DIAPH2: variants seen among roughly 807,000 people sequenced by gnomAD.
DIAPH2 encodes diaphanous related formin 2, also known as protein diaphanous homolog 2.
DIAPH2 carries 35 observed loss-of-function variants against 92.7 expected under a neutral mutation model. The ratio of observed to expected loss-of-function variants is 0.38; its 90% CI spans 0.29 to 0.50. DIAPH2 has a LOEUF of 0.50. Ranked by LOEUF, DIAPH2 falls within the 20% of genes least tolerant of loss-of-function variation. The pLI, the probability that DIAPH2 is intolerant of heterozygous loss-of-function variation, is 0.94. For missense variants in DIAPH2, 701 were observed against 819.5 expected (o/e 0.86, Z 1.77); for synonymous variants, 301 against 280.4 (o/e 1.07, Z -0.73).
chrX:97,411,256 C>A (rs1335630945), intron 25 of DIAPH2, among the ~76,000 whole-genome samples: 1 of 112,030 alleles, frequency 8.9e-6, no homozygotes, highest in Non-Finnish European at 1.9e-5. Context: ...ATTCAACATT[C>A]TTAAAGAAAA....
intron 17 of DIAPH2, among the ~76,000 whole-genome samples, chrX:97,019,987 C>A (rs1443362643): frequency 8.9e-6 from 1 of 112,190 alleles, no homozygotes; most frequent in Non-Finnish European, 1.9e-5. Flanking sequence ...TCTACCTGCA[C>A]CCTAAAGCTA....
chrX:96,948,712 T>C (rs2065753804), intron 14 of DIAPH2, among the ~76,000 whole-genome samples: 1 of 111,739 alleles, frequency 8.9e-6, no homozygotes, highest in South Asian at 3.8e-4. Context: ...TTTTCAGAAG[T>C]GAAAATGTGT....
chrX:96,766,370 G>A (rs2064304117), intron 4 of DIAPH2, among the ~76,000 whole-genome samples: 1 of 110,987 alleles, frequency 9.0e-6, no homozygotes, highest in Non-Finnish European at 1.9e-5. Flanking sequence ...TGCTATAAAG[G>A]GAAGAAACTA....
intron 4 of DIAPH2, among the ~76,000 whole-genome samples, chrX:96,801,033 T>A (rs766806835): frequency 8.9e-6 from 1 of 112,452 alleles, no homozygotes; most frequent in South Asian, 3.7e-4. Context: ...TTCTGAGTTT[T>A]GAACATCACA....
intron 25 of DIAPH2, among the ~76,000 whole-genome samples, chrX:97,413,881 C>T (rs994066198): frequency 3.6e-5 from 4 of 111,400 alleles, no homozygotes. Flanking sequence ...CTACAAACCA[C>T]CACTCAACGA....
chrX:97,201,880 T>C (rs1406395728), intron 22 of DIAPH2, among the ~76,000 whole-genome samples: 2 of 110,591 alleles, frequency 1.8e-5, no homozygotes, highest in Non-Finnish European at 3.8e-5. Context: ...TTCTCCAAGG[T>C]TGAAATGAAA....
At chrX:96,949,139 T>A in intron 15 of DIAPH2, 100 bp downstream of exon 15, 1 of 453,248 alleles carries the variant, frequency 2.2e-6, no homozygotes, top group Admixed American at 4.8e-5. Context: ...AGAAGCAGAC[T>A]TTTTGGCAGT....
chrX:97,190,889 GCCAGT>G, intron 22 of DIAPH2, among the ~76,000 whole-genome samples: 1 of 107,391 alleles, frequency 9.3e-6, no homozygotes, highest in Admixed American at 1.0e-4. Context: ...GTGAATCACT[GCCAGT>G]CCTTCCCCCA....
intron 26 of DIAPH2, among the ~76,000 whole-genome samples, chrX:97,595,936 A>T (rs964716604): frequency 8.9e-6 from 1 of 112,165 alleles, no homozygotes; most frequent in Non-Finnish European, 1.9e-5. Flanking sequence ...CTGACCCAGG[A>T]TGCACATTTT....
chrX:96,942,031 A>G lies in DIAPH2; in HGVS notation c.1339A>G (p.Lys447Glu). ...TCTCCTTTTCAGGCCACAATATTAT[A>G]AAATAATTGAGGAATGTGTTTCACA... ...NDYYIRPQYY[K>E]IIEECVSQIV... The change falls in exon 13 of 27, where the codon AAA (lysine) becomes GAA (glutamate). Residue 447 changes from lysine to glutamate, a missense_variant. Transcript: ENST00000324765. 1 of 1,158,192 alleles carries G rather than the reference A, an allele frequency of 8.6e-7. No homozygotes were observed. The highest frequency in any genetic ancestry group is 1.2e-6 in the Non-Finnish European group (1 of 848,822).
chrX:96,757,877 A>C (rs1382383622), intron 3 of DIAPH2, among the ~76,000 whole-genome samples: 1 of 111,941 alleles, frequency 8.9e-6, no homozygotes, highest in Admixed American at 9.5e-5. Flanking sequence ...ATAAACTGCC[A>C]ATTTATTCTG....
intron 17 of DIAPH2, among the ~76,000 whole-genome samples, chrX:97,049,515 CT>C (rs2066506157): frequency 9.0e-6 from 1 of 111,103 alleles, no homozygotes; most frequent in South Asian, 3.7e-4. Context: ...ATATTTTCAA[CT>C]TTAAAAATCA....
intron 5 of DIAPH2, among the ~76,000 whole-genome samples, chrX:96,891,830 T>G (rs979785345): frequency 8.9e-6 from 1 of 112,053 alleles, no homozygotes; most frequent in African/African-American, 3.2e-5. Flanking sequence ...ATAGTGTCTG[T>G]ATTCACATCC....
chrX:97,017,480 T>C (rs760631300), intron 17 of DIAPH2, among the ~76,000 whole-genome samples: 1 of 111,826 alleles, frequency 8.9e-6, no homozygotes, highest in East Asian at 2.8e-4. Context: ...CCTCAAGAAT[T>C]TGGGACCTTC....
chrX:97,549,783 A>G (rs1007537340), intron 26 of DIAPH2, among the ~76,000 whole-genome samples: 1 of 111,800 alleles, frequency 8.9e-6, no homozygotes, highest in African/African-American at 3.2e-5. Context: ...CCAAAAATGC[A>G]TATCCTGAAT....
At position 96,793,931 on chromosome X, in the gene DIAPH2, G is replaced by T. The variant is rs539984834; in HGVS notation, c.447+35673G>T. ...AGACAGCTAGTAAGGTAGAAAGACA[G>T]ACAATGTGTTGTTCATTTATGTATC... On this transcript the variant is annotated intron_variant, in intron 4 of 26. Transcript: ENST00000324765. 1.2e-4 allele frequency among the ~76,000 whole-genome samples: 14 copies of T among 112,169 alleles called. 1 individual carries two copies. Among genetic ancestry groups the T allele is most frequent in the African/African-American group, 4.2e-4 (13 of 30,898 alleles).
At chrX:97,583,559 A>G (rs2071456854) in intron 26 of DIAPH2, among the ~76,000 whole-genome samples, 1 of 112,102 alleles carries the variant, frequency 8.9e-6, no homozygotes, top group Admixed American at 9.4e-5. Flanking sequence ...ATGTTGGGAG[A>G]ACCACTGCTT....
At chrX:97,447,584 C>G (rs1201898297) in intron 26 of DIAPH2, among the ~76,000 whole-genome samples, 1 of 111,215 alleles carries the variant, frequency 9.0e-6, no homozygotes. Context: ...AAAAGCAACC[C>G]AAAGCAGGGG....
At chrX:96,955,181 C>T (rs1602660708) in intron 15 of DIAPH2, among the ~76,000 whole-genome samples, 2 of 111,567 alleles carry the variant, frequency 1.8e-5, no homozygotes, top group Middle Eastern at 9.2e-3. Context: ...AGGAAACTTA[C>T]AATCATGGTG....
Sources: gnomAD v4.1 joint callset for allele counts (sites outside exome capture counted in the v4.1 genomes callset) on GRCh38, gnomAD v4.1.1 for gene constraint, MANE v1.5 for transcripts, NCBI Gene and HGNC (gene_info 2026-07-23, HGNC 2026-07-21) for gene names.